TGFBR3: variants seen among roughly 807,000 people sequenced by gnomAD.
TGFBR3 encodes the protein transforming growth factor beta receptor type 3.
TGFBR3 carries 46 observed loss-of-function variants against 87.9 expected under a neutral mutation model. The ratio of observed to expected loss-of-function variants is 0.52; its 90% CI spans 0.41 to 0.67. TGFBR3 has a LOEUF of 0.67. TGFBR3 is among the 30% of genes least tolerant of loss of function. The probability of loss-of-function intolerance (pLI) is 0.00; values close to 1 mark genes in which losing one functional copy is unlikely to be tolerated. For missense variants in TGFBR3, 866 were observed against 1,041.9 expected (o/e 0.83, Z 2.32); for synonymous variants, 381 against 391.6 (o/e 0.97, Z 0.32).
Position 91,716,603 on chromosome 1 carries a change from C to T in TGFBR3, c.1672G>A (p.Asp558Asn). The T allele has an allele frequency of 6.2e-7, 1 of 1,614,104 alleles. No homozygotes were observed. Among genetic ancestry groups the T allele is most frequent in the East Asian group, 2.2e-5 (1 of 44,886 alleles). Residue 558 changes from aspartate to asparagine, a missense_variant, in exon 11 of 17, where the codon GAT becomes AAT. Transcript: ENST00000212355. ...TCAGGTCGGGTGAACAGGGAAGCAT[C>T]TCCTTCATCCATATCTCCCGGAAAT... is the stretch of plus-strand genomic sequence containing the variant. ...NGFPGDMDEGDASLFTRPEIV... is the reference protein window; with the variant it reads ...NGFPGDMDEGNASLFTRPEIV...
intron 1 of TGFBR3, among the ~76,000 whole-genome samples, chr1:91,904,478 C>G (rs540779372): frequency 1.4e-3 from 215 of 151,600 alleles, no homozygotes; most frequent in African/African-American, 5.1e-3. Context: ...CTCACTGCAA[C>G]CTCTGCCTCC....
upstream of TGFBR3, chr1:91,886,274 G>A (rs772799337): frequency 7.6e-5 from 32 of 421,640 alleles, no homozygotes; most frequent in African/African-American, 3.9e-4. Flanking sequence ...CCCACCGGGG[G>A]CTCTCGGCCG....
intron 1 of TGFBR3, among the ~76,000 whole-genome samples, chr1:91,900,918 G>A (rs1297272905): frequency 6.6e-6 from 1 of 152,216 alleles, no homozygotes; most frequent in Non-Finnish European, 1.5e-5. Flanking sequence ...TTGAGATAAG[G>A]TCTTGTCATG....
intron 1 of TGFBR3, among the ~76,000 whole-genome samples, chr1:91,866,067 A>T (rs561548559): frequency 1.3e-5 from 2 of 152,300 alleles, no homozygotes; most frequent in South Asian, 4.1e-4. Context: ...CTCATGACCC[A>T]ACAGAGTGCA....
intron 2 of TGFBR3, among the ~76,000 whole-genome samples, chr1:91,823,800 A>G (rs1235834154): frequency 6.6e-6 from 1 of 152,254 alleles, no homozygotes; most frequent in Non-Finnish European, 1.5e-5. Flanking sequence ...GCACAGGCAT[A>G]TGTATTCATT....
intron 4 of TGFBR3, among the ~76,000 whole-genome samples, chr1:91,746,863 G>C (rs764392313): frequency 1.3e-5 from 2 of 152,136 alleles, no homozygotes; most frequent in African/African-American, 2.4e-5. Context: ...CAAAGACCTG[G>C]TTTCTCACTC....
chr1:91,796,757 C>A (rs1557715272), intron 3 of TGFBR3, among the ~76,000 whole-genome samples: 1 of 152,146 alleles, frequency 6.6e-6, no homozygotes, highest in Non-Finnish European at 1.5e-5. Context: ...TCTGCTCTAT[C>A]TCCCAGGCTG....
intron 2 of TGFBR3, among the ~76,000 whole-genome samples, chr1:91,852,496 T>A (rs961924468): frequency 7.2e-5 from 11 of 152,218 alleles, no homozygotes; most frequent in African/African-American, 2.7e-4. Context: ...AGGTGCTTCA[T>A]CACACTTGGC....
chr1:91,802,756 C>T (rs151221073), intron 2 of TGFBR3, among the ~76,000 whole-genome samples: 3 of 152,286 alleles, frequency 2.0e-5, no homozygotes, highest in African/African-American at 7.2e-5. Flanking sequence ...ATGCAGAACT[C>T]AGGATCTTTA....
chr1:91,823,305 T>C (rs1262583688), intron 2 of TGFBR3, among the ~76,000 whole-genome samples: 1 of 152,232 alleles, frequency 6.6e-6, no homozygotes, highest in Non-Finnish European at 1.5e-5. Context: ...TAGGTACACA[T>C]ACTTTGAAGA....
At chr1:91,819,056 G>A (rs1243280339) in intron 2 of TGFBR3, among the ~76,000 whole-genome samples, 1 of 152,128 alleles carries the variant, frequency 6.6e-6, no homozygotes, top group Non-Finnish European at 1.5e-5. Flanking sequence ...GGTCCAGGAA[G>A]AGCTCAGAAA....
At chr1:91,717,851 C>T (rs1428228314) in intron 10 of TGFBR3, among the ~76,000 whole-genome samples, 1 of 149,678 alleles carries the variant, frequency 6.7e-6, no homozygotes, top group Non-Finnish European at 1.5e-5. Context: ...TCATTACATG[C>T]CTTTCTCTCC....
chr1:91,729,121 G>A (rs956304044), intron 6 of TGFBR3, among the ~76,000 whole-genome samples: 7 of 114,656 alleles, frequency 6.1e-5, no homozygotes, highest in Non-Finnish European at 1.0e-4. Context: ...TGGCTCTTTC[G>A]TATGTCACCA....
Position 91,680,842 on chromosome 1 carries a change from A to T in TGFBR3, c.*2897T>A. 1 of 449,830 alleles carries T rather than the reference A, an allele frequency of 2.2e-6. No individual in the cohort carries two copies. Among genetic ancestry groups the T allele is most frequent in the South Asian group, 1.6e-5 (1 of 63,728 alleles). The allele number at this position is 449,830 out of a possible 1,614,324, so 27.9% of individuals were successfully genotyped here. A position where few individuals can be genotyped will look rare whatever the true frequency, so the allele number is the denominator to read the frequency against. Reference sequence around the variant, plus strand: ...AAGCAGGAAATGGATTTACAATCTTATTACAAGGCAAAGAAAAAAACCATT... The same window carrying T: ...AAGCAGGAAATGGATTTACAATCTTTTTACAAGGCAAAGAAAAAAACCATT... On this transcript the variant is annotated 3_prime_UTR_variant, in exon 17 of 17. Transcript: ENST00000212355.
In TGFBR3 at chr1:91,861,971, T is replaced by A. The variant is rs574217931; in HGVS notation, c.-113-327A>T. On this transcript the variant is annotated intron_variant, in intron 1 of 16. Coordinates refer to ENST00000212355, the MANE Select transcript of TGFBR3 (RefSeq NM_003243.5). Reference sequence around the variant, plus strand: ...CCTGGGTTCAAGCGATTCTCCTGCCTCAGCCTCCCAAGTAGCTGGGATTAC... The same window carrying A: ...CCTGGGTTCAAGCGATTCTCCTGCCACAGCCTCCCAAGTAGCTGGGATTAC... 6.0e-5 allele frequency: 14 copies of A among 232,402 alleles called. No individual in the cohort carries two copies. In the East Asian group the frequency reaches 1.8e-3, roughly 30 times the overall value. 14.4% of individuals were successfully genotyped at this position (232,402 alleles called of 1,614,324 possible).
intron 3 of TGFBR3, among the ~76,000 whole-genome samples, chr1:91,762,695 C>T (rs17131555): frequency 0.19 from 29,130 of 152,130 alleles, 3,102 homozygotes; most frequent in East Asian, 0.45. Flanking sequence ...TAACACCATC[C>T]CTCATACATT....
At position 91,720,171 on chromosome 1, in the gene TGFBR3, C is replaced by A. The variant is rs749474592; in HGVS notation, c.1135G>T (p.Asp379Tyr). 2.5e-6 allele frequency: 4 copies of A among 1,613,310 alleles called. No individual in the cohort carries two copies. In the South Asian group the frequency reaches 4.4e-5, roughly 18 times the overall value. The change falls in exon 9 of 17, where the codon GAC becomes TAC. Residue 379 changes from aspartate (D) to tyrosine (Y), a missense_variant. Asp to Tyr is a radical substitution (Grantham distance 160). Transcript: ENST00000212355. ...TGCAGGGCAGGCAGGGCACCAGGGT[C>A]CAGCAGGATCCGTAGCTCAGGAGGA... ...TIPPELRILL[D>Y]PGALPALQNP...
intron 1 of TGFBR3, 89 bp from the exon 2 acceptor site, chr1:91,861,733 G>A (rs995309958): frequency 4.9e-5 from 30 of 612,972 alleles, no homozygotes; most frequent in African/African-American, 2.2e-4. Context: ...TCTGAAAAGC[G>A]TAATGTAAGA....
At chr1:91,728,134 C>T (rs1379565026) in intron 6 of TGFBR3, among the ~76,000 whole-genome samples, 5 of 152,102 alleles carry the variant, frequency 3.3e-5, no homozygotes, top group African/African-American at 1.2e-4. Context: ...AGTATTGTTG[C>T]TTTTTCAACC....
Sources: allele counts gnomAD v4.1 joint callset (sites outside exome capture counted in the v4.1 genomes callset), GRCh38; gene constraint gnomAD v4.1.1; transcripts MANE v1.5; gene names NCBI Gene and HGNC (gene_info 2026-07-23, HGNC 2026-07-21).